The following SLC28A1 variants were observed in gnomAD, a reference collection of about 807,000 sequenced individuals.
SLC28A1 encodes sodium/nucleoside cotransporter 1.
SLC28A1 carries 64 observed loss-of-function variants against 74.8 expected under a neutral mutation model. The ratio of observed to expected loss-of-function variants is 0.86; its 90% CI spans 0.70 to 1.05. The LOEUF (loss-of-function observed/expected upper bound fraction) is 1.05, where lower values mean the gene tolerates loss of function less well. SLC28A1 is among the 50% of genes least tolerant of loss of function. The probability of loss-of-function intolerance (pLI) is 0.00; values close to 1 mark genes in which losing one functional copy is unlikely to be tolerated. For missense variants in SLC28A1, 828 were observed against 822.8 expected (o/e 1.01, Z -0.08); for synonymous variants, 359 against 335.0 (o/e 1.07, Z -0.78).
chr15:84,953,653 G>A, the SLC28A1 span, among the ~76,000 whole-genome samples: 1 of 152,264 alleles, frequency 6.6e-6, no homozygotes, highest in Non-Finnish European at 1.5e-5. Flanking sequence ...GCTCAGGAAT[G>A]TGAGGCTACA....
At chr15:84,953,054 C>T in the SLC28A1 span, among the ~76,000 whole-genome samples, 2 of 152,178 alleles carry the variant, frequency 1.3e-5, no homozygotes, top group Non-Finnish European at 2.9e-5. Context: ...AATTAGAAGA[C>T]AAATAAGCTC....
intron 1 of SLC28A1, chr15:84,886,012 T>A (rs949816224): frequency 7.5e-5 from 30 of 398,218 alleles, no homozygotes; most frequent in Non-Finnish European, 9.6e-5. Flanking sequence ...GATTTTGTCC[T>A]GAGCGCGTAC....
At chr15:84,957,954 A>G in the SLC28A1 span, among the ~76,000 whole-genome samples, 4 of 152,190 alleles carry the variant, frequency 2.6e-5, no homozygotes, top group African/African-American at 9.6e-5. Flanking sequence ...TGAACATGGG[A>G]TGCCTCTCCG....
At chr15:84,928,688 A>G (rs1970927999) in intron 12 of SLC28A1, among the ~76,000 whole-genome samples, 2 of 147,766 alleles carry the variant, frequency 1.4e-5, no homozygotes, top group Admixed American at 1.4e-4. Flanking sequence ...CAGTGGCTCA[A>G]TCTCGGCTCA....
chr15:84,905,650 C>T lies in SLC28A1; in HGVS notation c.715C>T (p.Arg239Trp), dbSNP rs765445721. ...GTTCGAGTGGCTGGGCGAGCAGATCCGGGTAGGTATGTGGGGTCTGGCTGC... is the reference window on the plus strand; with the variant it reads ...GTTCGAGTGGCTGGGCGAGCAGATCTGGGTAGGTATGTGGGGTCTGGCTGC... ...IAFEWLGEQI[R>W]IFLSYTKAGS... The change falls in exon 8 of 19, where the codon CGG (arginine) becomes TGG (tryptophan). Residue 239 changes from arginine (R) to tryptophan (W), a missense_variant and splice_region_variant. This residue lies in a region of SLC28A1 where 767 missense variants were observed against 753.5 expected (regional missense o/e 1.02). Coordinates refer to ENST00000394573, the MANE Select transcript of SLC28A1 (RefSeq NM_004213.5). The T allele has an allele frequency of 3.0e-5, 49 of 1,608,598 alleles. No individual in the cohort carries two copies. Among genetic ancestry groups the T allele is most frequent in the Admixed American group, 2.3e-4 (14 of 59,960 alleles).
the SLC28A1 span, among the ~76,000 whole-genome samples, chr15:84,959,476 CT>C: frequency 1.8e-4 from 26 of 147,640 alleles, no homozygotes; most frequent in East Asian, 2.0e-4. Context: ...TCTGAAACTC[CT>C]TTTTTTTTTG....
downstream of SLC28A1, among the ~76,000 whole-genome samples, chr15:84,946,309 T>C (rs1434462985): frequency 1.3e-5 from 2 of 150,980 alleles, no homozygotes; most frequent in South Asian, 2.1e-4. Context: ...GGAATACAAC[T>C]TGGGAAATAT....
At position 84,940,017 on chromosome 15, in the gene SLC28A1, G is replaced by A. The variant is rs533588021; in HGVS notation, c.1582-3428G>A. ...TAACCTTCGCATTTTTTGTAGAGACGGGGTCTCGCCGTATTGCCCAAGTTG... is the reference window on the plus strand; with the variant it reads ...TAACCTTCGCATTTTTTGTAGAGACAGGGTCTCGCCGTATTGCCCAAGTTG... On this transcript the variant is annotated intron_variant, in intron 15 of 18. Transcript: ENST00000394573. Among the ~76,000 whole-genome samples the A allele has an allele frequency of 5.9e-5, 9 of 152,096 alleles. No individual in the cohort carries two copies. The South Asian group carries it at 1.5e-3, about 25-fold the overall frequency.
At chr15:84,934,037 C>T (rs560607525) in intron 13 of SLC28A1, among the ~76,000 whole-genome samples, 2 of 152,302 alleles carry the variant, frequency 1.3e-5, no homozygotes, top group Non-Finnish European at 2.9e-5. Flanking sequence ...ATTAATCCAA[C>T]ATTCAGGAAT....
At chr15:84,909,467 G>A (rs1416929380) in intron 9 of SLC28A1, among the ~76,000 whole-genome samples, 1 of 152,226 alleles carries the variant, frequency 6.6e-6, no homozygotes, top group East Asian at 1.9e-4. Flanking sequence ...ATTGTCTAAT[G>A]GTGGAGCCCC....
intron 8 of SLC28A1, among the ~76,000 whole-genome samples, chr15:84,906,654 C>G (rs1167507305): frequency 8.3e-6 from 1 of 120,712 alleles, no homozygotes; most frequent in African/African-American, 3.1e-5. Context: ...TCCTTCCTTT[C>G]TTTTTTTTTT....
rs59972697 is a variant in SLC28A1 at position 84,889,874 on chromosome 15, T to TC, written c.186-569_186-568insC. Among the ~76,000 whole-genome samples, 586 of 151,270 alleles carry TC rather than the reference T, an allele frequency of 3.9e-3. 3 individuals carry two copies. The highest frequency in any genetic ancestry group is 0.013 in the African/African-American group (544 of 41,170). Reference sequence around the variant, plus strand: ...CTTCCTTTCTCTCTTTTTTTTTTTTTAGGCAGGTCTCACTCTGTTGCCTGG... The same window carrying TC: ...CTTCCTTTCTCTCTTTTTTTTTTTTTCAGGCAGGTCTCACTCTGTTGCCTGG... On this transcript the variant is annotated intron_variant, in intron 4 of 18. Coordinates refer to ENST00000394573, the MANE Select transcript of SLC28A1 (RefSeq NM_004213.5).
intron 2 of SLC28A1, chr15:84,887,422 G>T (rs1025806619): frequency 6.1e-6 from 6 of 983,844 alleles, no homozygotes; most frequent in African/African-American, 1.7e-5. Flanking sequence ...GGTGGCGCAC[G>T]CCTGTAATCC....
At position 84,922,437 on chromosome 15, in the gene SLC28A1, G is replaced by C. The variant is rs531449405; in HGVS notation, c.957+1368G>C. Among the ~76,000 whole-genome samples the C allele has an allele frequency of 1.6e-4, 25 of 152,214 alleles. No individual in the cohort carries two copies. In the South Asian group the frequency reaches 5.2e-3, roughly 32 times the overall value. ...TGGTTCAGGCGGAGCTGGAAGAGCT[G>C]CCCTGCCTTCCTCCGCTTCCCCCAC... is the stretch of plus-strand genomic sequence containing the variant. On this transcript the variant is annotated intron_variant, in intron 11 of 18. Coordinates refer to ENST00000394573, the MANE Select transcript of SLC28A1 (RefSeq NM_004213.5).
In SLC28A1 at chr15:84,945,283, G is replaced by T; in HGVS notation, c.*83G>T. ...CTGTCCCCACCTTCCCTTTCCCAGA[G>T]CCCTCTTCAGGGAAGCCACAGGACT... On this transcript the variant is annotated 3_prime_UTR_variant, in exon 19 of 19. Coordinates refer to ENST00000394573, the MANE Select transcript of SLC28A1 (RefSeq NM_004213.5). 7.5e-7 allele frequency: 1 copy of T among 1,325,534 alleles called. No individual in the cohort carries two copies. Among genetic ancestry groups the T allele is most frequent in the Non-Finnish European group, 1.1e-6 (1 of 923,760 alleles). The allele number at this position is 1,325,534 out of a possible 1,614,324, so 82.1% of individuals were successfully genotyped here.
chr15:84,957,146 T>C, the SLC28A1 span, among the ~76,000 whole-genome samples: 2 of 152,232 alleles, frequency 1.3e-5, no homozygotes. Context: ...TAAAATTCAA[T>C]GGTTTTTAGT....
rs755804099 is a variant in SLC28A1 at position 84,943,492 on chromosome 15, T to A, written c.1629T>A (p.Asn543Lys). ...LTTFALCGFA[N>K]FSSIGIMLGG... is the part of the protein sequence containing the mutation. ...CGTTTGCCCTCTGTGGATTTGCCAA[T>A]TTCAGCTCCATTGGGATCATGCTGG... Residue 543 changes from asparagine (N) to lysine (K), a missense_variant, in exon 16 of 19, where the codon AAT becomes AAA. Transcript: ENST00000394573. The A allele has an allele frequency of 1.9e-6, 3 of 1,614,130 alleles. No individual in the cohort carries two copies. The highest frequency in any genetic ancestry group is 2.5e-6 in the Non-Finnish European group (3 of 1,179,956).
At chr15:84,904,659 C>T (rs1966867374) in intron 7 of SLC28A1, among the ~76,000 whole-genome samples, 1 of 152,326 alleles carries the variant, frequency 6.6e-6, no homozygotes, top group Non-Finnish European at 1.5e-5. Context: ...GCAACAGCGG[C>T]GCCTCCATGG....
intron 2 of SLC28A1, 35 bp downstream of exon 2, chr15:84,886,822 T>G: frequency 1.0e-6 from 1 of 952,780 alleles, no homozygotes; most frequent in South Asian, 4.8e-5. Flanking sequence ...CTGTGTGCGC[T>G]GCTGTGCGTC....
Sources: gnomAD v4.1 joint callset for allele counts (sites outside exome capture counted in the v4.1 genomes callset) on GRCh38, gnomAD v4.1.1 for gene constraint, gnomAD v4.1.1 regional missense constraint, MANE v1.5 for transcripts, NCBI Gene and HGNC (gene_info 2026-07-23, HGNC 2026-07-21) for gene names.